Variants in CEP72 observed in about 807,000 individuals in gnomAD.
The protein encoded by CEP72 is centrosomal protein 72, also known as centrosomal protein of 72 kDa.
CEP72 carries 78 observed loss-of-function variants against 65.7 expected under a neutral mutation model. The observed-to-expected ratio is 1.19, with a 90% CI of 0.99 to 1.43. CEP72 has a LOEUF of 1.43. Among genes scored for constraint, CEP72 ranks in the 40% most tolerant of loss-of-function variants. The pLI, the probability that CEP72 is intolerant of heterozygous loss-of-function variation, is 0.00. For missense variants in CEP72, 914 were observed against 832.9 expected, an observed-to-expected ratio of 1.10 and a Z score of -1.20; for synonymous variants, 358 against 351.7, an observed-to-expected ratio of 1.02 and a Z score of -0.20.
At chr5:617,890 A>G (rs974779553) in intron 1 of CEP72, among the ~76,000 whole-genome samples, 2 of 152,226 alleles carry the variant, frequency 1.3e-5, no homozygotes, top group Non-Finnish European at 2.9e-5. Context: ...AAACCAAAAC[A>G]TATTCTAAAA....
At chr5:676,497 G>T in the CEP72 span, 1 of 152,308 alleles carries the variant, frequency 6.6e-6, no homozygotes, top group Non-Finnish European at 1.5e-5. Context: ...GGAAGGTGCA[G>T]GAGCTCTGAG....
intron 11 of CEP72, among the ~76,000 whole-genome samples, chr5:648,866 AGGTGT>A (rs1738662005): frequency 1.1e-5 from 1 of 93,646 alleles, no homozygotes; most frequent in East Asian, 3.7e-4. Flanking sequence ...TGTGACTGTG[AGGTGT>A]GACTGTGAGG....
chr5:671,022 C>CT, downstream of CEP72, among the ~76,000 whole-genome samples: 1 of 152,298 alleles, frequency 6.6e-6, no homozygotes, highest in South Asian at 2.1e-4. Context: ...GGCTGAGGGC[C>CT]AGGGCCCTCC....
At chr5:639,323 G>A in intron 8 of CEP72, 99 bp downstream of exon 8, 1 of 1,362,072 alleles carries the variant, frequency 7.3e-7, no homozygotes, top group Non-Finnish European at 1.0e-6. Context: ...TCAGCCCCAG[G>A]TCTCCTATGT....
chr5:640,813 A>G, intron 9 of CEP72: 1 of 985,450 alleles, frequency 1.0e-6, no homozygotes. Flanking sequence ...TGGAGACAGC[A>G]GTGGCGCTGG....
rs139846120 is a variant in CEP72, at chr5:636,411, A to G, written c.904+827A>G. ...ACTTTTAAGTGTATGGGCCCAGGTT[A>G]TGGCAATAGCTACATTTTGAAAATC... is the stretch of plus-strand genomic sequence containing the variant. On this transcript the variant is annotated intron_variant, in intron 6 of 11. Transcript: ENST00000264935. Among the ~76,000 whole-genome samples the G allele has an allele frequency of 1.4e-3, 214 of 152,340 alleles. 3 individuals are homozygous for G. The highest frequency in any genetic ancestry group is 3.4e-3 in the Middle Eastern group (1 of 294).
At chr5:658,899 A>C (rs1236956483), downstream of CEP72, among the ~76,000 whole-genome samples, 3 of 151,452 alleles carry the variant, frequency 2.0e-5, no homozygotes, top group Non-Finnish European at 4.4e-5. Context: ...CAATCTCCTG[A>C]CCTTGTGATC....
In CEP72 at chr5:639,102, C is replaced by A. The variant is rs1421352916; in HGVS notation, c.1220C>A (p.Ser407Ter). ...TTTCCATCACAGCCGTCTCCCGGGTCACACTCGGCTCTACCCGGGAAGAAG... is the reference window on the plus strand; with the variant it reads ...TTTCCATCACAGCCGTCTCCCGGGTAACACTCGGCTCTACCCGGGAAGAAG... The part of the protein sequence containing the change: ...VTDTREPSPG[S>*]HSALPGKKTA... Residue 407 changes from serine (S) to a stop codon, truncating the protein, a stop_gained, in exon 8 of 12, where the codon TCA becomes TAA. Transcript: ENST00000264935. LOFTEE classifies it high-confidence loss of function. 6.2e-7 allele frequency: 1 copy of A among 1,613,348 alleles called. No homozygotes were observed. The highest frequency in any genetic ancestry group is 8.5e-7 in the Non-Finnish European group (1 of 1,179,886).
chr5:625,229 C>T (rs1317761896), intron 4 of CEP72, among the ~76,000 whole-genome samples: 1 of 152,218 alleles, frequency 6.6e-6, no homozygotes, highest in Non-Finnish European at 1.5e-5. Flanking sequence ...TGGGTTGATT[C>T]AAGGGGCAGA....
downstream of CEP72, among the ~76,000 whole-genome samples, chr5:669,369 G>A (rs1740104178): frequency 6.6e-6 from 1 of 152,172 alleles, no homozygotes; most frequent in Non-Finnish European, 1.5e-5. Flanking sequence ...CGCTCGGCGT[G>A]GACACCCGCA....
At chr5:675,488 A>G in the CEP72 span, among the ~76,000 whole-genome samples, 567 of 25,814 alleles carry the variant, frequency 0.022, 24 homozygotes, top group African/African-American at 0.14. Context: ...GGCCAGGGGT[A>G]CATTGTGGCC....
At chr5:635,783 G>C (rs751264030) in intron 6 of CEP72, among the ~76,000 whole-genome samples, 199 bp downstream of exon 6, 3 of 137,936 alleles carry the variant, frequency 2.2e-5, no homozygotes, top group African/African-American at 2.6e-5. Flanking sequence ...TCAAGACAGA[G>C]AAATGGAGCT....
At chr5:655,022 T>C (rs1277015210), downstream of CEP72, among the ~76,000 whole-genome samples, 2 of 152,170 alleles carry the variant, frequency 1.3e-5, no homozygotes, top group Non-Finnish European at 2.9e-5. The surrounding 1 kb of genome is among the most constrained non-coding windows in gnomAD (Gnocchi z 5.0). Flanking sequence ...GTTAAGCTTG[T>C]ATAGTGAATT....
chr5:613,458 C>T (rs1735804666), intron 1 of CEP72, among the ~76,000 whole-genome samples: 1 of 152,210 alleles, frequency 6.6e-6, no homozygotes, highest in Admixed American at 6.5e-5. Flanking sequence ...GCAACCTCCA[C>T]CTCCCAGGTT....
downstream of CEP72, among the ~76,000 whole-genome samples, chr5:658,546 C>CATT (rs906170116): frequency 7.3e-5 from 11 of 150,918 alleles, no homozygotes; most frequent in Admixed American, 6.6e-4. Flanking sequence ...TCTGATCTAT[C>CATT]ATTAGCCATG....
In CEP72 at chr5:640,928, G is replaced by C. The variant is rs571208970; in HGVS notation, c.1539+324G>C. The stretch of plus-strand genomic sequence containing the variant: ...CTTTGTCTTGCTGACCCATCTCTCA[G>C]GGCCTCGAACTGGGGAAAACCGAGG... On this transcript the variant is annotated intron_variant, in intron 9 of 11. Transcript: ENST00000264935. The C allele has an allele frequency of 7.9e-5, 78 of 985,456 alleles. No homozygotes were observed. In the African/African-American group the frequency reaches 1.3e-3, roughly 17 times the overall value. 61.0% of individuals were successfully genotyped at this position (985,456 alleles called of 1,614,324 possible).
chr5:612,659 G>T (rs1318604834), intron 1 of CEP72: 9 of 976,344 alleles, frequency 9.2e-6, no homozygotes, highest in Non-Finnish European at 1.1e-5. Context: ...GGGTCCCGGC[G>T]TCCCGGCCCC....
At chr5:642,556 G>A (rs983019663) in intron 9 of CEP72, 5 of 985,360 alleles carry the variant, frequency 5.1e-6, no homozygotes, top group African/African-American at 1.7e-5. Flanking sequence ...AAGGTGTGCC[G>A]AGCACCAGTG....
downstream of CEP72, among the ~76,000 whole-genome samples, chr5:670,793 C>T (rs542866850): frequency 1.3e-5 from 2 of 152,336 alleles, no homozygotes; most frequent in African/African-American, 4.8e-5. Context: ...TTCCCGGGGC[C>T]GACAGAGGTC....
Sources: gnomAD v4.1 joint callset for allele counts (sites outside exome capture counted in the v4.1 genomes callset) on GRCh38, gnomAD v4.1.1 for gene constraint, Gnocchi (gnomAD v3.1) non-coding constraint, MANE v1.5 for transcripts, NCBI Gene and HGNC (gene_info 2026-07-23, HGNC 2026-07-21) for gene names.